The following CRB1 variants were observed in gnomAD, a reference collection of about 807,000 sequenced individuals.
CRB1 encodes the protein protein crumbs homolog 1.
Under a neutral mutation model 120.0 loss-of-function variants are expected in CRB1, and 83 were observed. That is an observed-to-expected ratio of 0.69 (90% CI 0.58 to 0.83). The LOEUF (loss-of-function observed/expected upper bound fraction) is 0.83, where lower values mean the gene tolerates loss of function less well. Among genes scored for constraint, CRB1 ranks in the 40% least tolerant of loss-of-function variants. The pLI, the probability that CRB1 is intolerant of heterozygous loss-of-function variation, is 0.00. For missense variants in CRB1, 1,699 were observed against 1,687.6 expected (o/e 1.01, Z -0.12); for synonymous variants, 625 against 612.5 (o/e 1.02, Z -0.30).
At chr1:197,292,570 T>C (rs1198849893) in intron 1 of CRB1, among the ~76,000 whole-genome samples, 1 of 152,082 alleles carries the variant, frequency 6.6e-6, no homozygotes, top group Non-Finnish European at 1.5e-5. Flanking sequence ...GAGGCCAGCA[T>C]CATCCTGATA....
chr1:197,294,783 A>G (rs1013715528), intron 1 of CRB1, among the ~76,000 whole-genome samples: 4 of 152,152 alleles, frequency 2.6e-5, no homozygotes, highest in Admixed American at 6.6e-5. Flanking sequence ...GGAAACTATC[A>G]TTCTCAGCAA....
the CRB1 span, among the ~76,000 whole-genome samples, chr1:197,245,377 G>A: frequency 6.6e-6 from 1 of 152,036 alleles, no homozygotes; most frequent in Non-Finnish European, 1.5e-5. Context: ...TGCATCTGTA[G>A]TCCCAGATAC....
At chr1:197,328,122 G>T (rs35532805) in intron 1 of CRB1, among the ~76,000 whole-genome samples, 49 of 152,058 alleles carry the variant, frequency 3.2e-4, no homozygotes, top group Non-Finnish European at 3.4e-4. Flanking sequence ...ATTCTCTATG[G>T]TACTTTCTCT....
chr1:197,326,344 G>A (rs184148411), intron 1 of CRB1, among the ~76,000 whole-genome samples: 107 of 152,234 alleles, frequency 7.0e-4, no homozygotes, highest in Middle Eastern at 6.8e-3. Flanking sequence ...AGAGGCCGGG[G>A]ACTGTGGCTC....
chr1:197,442,946 GA>G (rs1665526504), intron 11 of CRB1: 1 of 155,292 alleles, frequency 6.4e-6, no homozygotes, highest in Non-Finnish European at 1.4e-5. Flanking sequence ...CCAACGTGGT[GA>G]AAACCTGTCT....
intron 7 of CRB1, chr1:197,429,077 A>G (rs1034820737): frequency 6.6e-7 from 1 of 1,505,258 alleles, no homozygotes; most frequent in Non-Finnish European, 8.9e-7. Context: ...GCAACTGGAA[A>G]CACCTTCTTT....
At chr1:197,431,983 T>C (rs750897951) in intron 8 of CRB1, among the ~76,000 whole-genome samples, 3 of 152,186 alleles carry the variant, frequency 2.0e-5, no homozygotes, top group Non-Finnish European at 2.9e-5. Context: ...TGGAACAAGA[T>C]ACTCTTGAGA....
At chr1:197,256,835 A>C in the CRB1 span, among the ~76,000 whole-genome samples, 2 of 149,406 alleles carry the variant, frequency 1.3e-5, no homozygotes, top group Non-Finnish European at 3.0e-5. Flanking sequence ...AAAAAAAAAC[A>C]AAAAAAACTT....
intron 5 of CRB1, among the ~76,000 whole-genome samples, chr1:197,399,230 ACT>A (rs2125429011): frequency 6.6e-6 from 1 of 152,038 alleles, no homozygotes; most frequent in East Asian, 1.9e-4. Flanking sequence ...CATTTATAAC[ACT>A]CTAATGAATG....
At chr1:197,457,395 T>A (rs557321509) in intron 11 of CRB1, among the ~76,000 whole-genome samples, 1 of 152,240 alleles carries the variant, frequency 6.6e-6, no homozygotes, top group African/African-American at 2.4e-5. Flanking sequence ...AAGTATCTTT[T>A]CCAAGGCTCT....
intron 11 of CRB1, among the ~76,000 whole-genome samples, chr1:197,474,417 G>T (rs773518277): frequency 2.0e-5 from 3 of 152,164 alleles, no homozygotes; most frequent in Non-Finnish European, 2.9e-5. Flanking sequence ...CCCAGGCCTT[G>T]AATTTGCTCT....
At chr1:197,449,690 C>T (rs1052108536) in intron 11 of CRB1, among the ~76,000 whole-genome samples, 1 of 152,154 alleles carries the variant, frequency 6.6e-6, no homozygotes, top group Non-Finnish European at 1.5e-5. Context: ...TTTATTTTGG[C>T]AGGCAGTCTC....
intron 1 of CRB1, among the ~76,000 whole-genome samples, chr1:197,308,093 A>C (rs1657279264): frequency 6.6e-6 from 1 of 152,214 alleles, no homozygotes; most frequent in Non-Finnish European, 1.5e-5. Flanking sequence ...ATACCATGGA[A>C]TACTACACAG....
intron 5 of CRB1, among the ~76,000 whole-genome samples, chr1:197,368,611 C>G (rs190972621): frequency 2.0e-5 from 3 of 152,256 alleles, no homozygotes; most frequent in Admixed American, 2.0e-4. Flanking sequence ...AGACCACATA[C>G]AGACCAAAAC....
the CRB1 span, among the ~76,000 whole-genome samples, chr1:197,237,406 A>G: frequency 6.6e-6 from 1 of 152,174 alleles, no homozygotes; most frequent in East Asian, 1.9e-4. Context: ...GCATCCTCAC[A>G]TGGTGAAAGG....
At chr1:197,266,914 T>C (rs1654657849), upstream of CRB1, among the ~76,000 whole-genome samples, 1 of 152,130 alleles carries the variant, frequency 6.6e-6, no homozygotes, top group Admixed American at 6.6e-5. Flanking sequence ...GGTGGAGGCC[T>C]TTTTAGAACG....
chr1:197,316,271 G>A (rs972344348), intron 1 of CRB1, among the ~76,000 whole-genome samples: 1 of 151,744 alleles, frequency 6.6e-6, no homozygotes, highest in African/African-American at 2.4e-5. Flanking sequence ...TGCAAGCTCC[G>A]CCTCCCGGGT....
At chr1:197,321,504 A>C (rs1377920484) in intron 1 of CRB1, among the ~76,000 whole-genome samples, 1 of 152,226 alleles carries the variant, frequency 6.6e-6, no homozygotes, top group African/African-American at 2.4e-5. Context: ...GAGTGAAACA[A>C]ATTTCCCTGG....
intron 2 of CRB1, among the ~76,000 whole-genome samples, chr1:197,341,058 T>C (rs1052886606): frequency 1.3e-5 from 2 of 152,086 alleles, no homozygotes; most frequent in African/African-American, 4.8e-5. Flanking sequence ...ACTTATTCAC[T>C]ATCACAAGAA....
Sources: gnomAD v4.1 joint callset for allele counts (sites outside exome capture counted in the v4.1 genomes callset) on GRCh38, gnomAD v4.1.1 for gene constraint, MANE v1.5 for transcripts, NCBI Gene and HGNC (gene_info 2026-07-23, HGNC 2026-07-21) for gene names.